Variants in ABCB6 observed in about 807,000 individuals in gnomAD.
The protein encoded by ABCB6 is ATP-binding cassette sub-family B member 6.
In ABCB6, 87 loss-of-function variants were observed where a neutral mutation model predicts 99.4. That is an observed-to-expected ratio of 0.88 (90% confidence interval 0.74 to 1.05). The LOEUF (loss-of-function observed/expected upper bound fraction) is 1.05, where lower values mean the gene tolerates loss of function less well. ABCB6 is among the 50% of genes least tolerant of loss of function. The pLI, the probability that ABCB6 is intolerant of heterozygous loss-of-function variation, is 0.00. For synonymous variants in ABCB6, 482 were observed against 447.5 expected (o/e 1.08, Z -0.97); for missense variants, 1,050 against 1,097.9 (o/e 0.96, Z 0.62).
Position 219,213,839 on chromosome 2 carries a change from T to C in ABCB6, c.1565A>G (p.Glu522Gly). 4 of 1,613,878 alleles carry C rather than the reference T, an allele frequency of 2.5e-6. No homozygotes were observed. The highest frequency in any genetic ancestry group is 2.5e-6 in the Non-Finnish European group (3 of 1,179,976). The change falls in exon 9 of 19, where the codon GAG becomes GGG. Residue 522 changes from glutamate (E) to glycine (G), a missense_variant. Transcript: ENST00000265316. ...ATCCTGCCTCACCTGTAGCTTCTGC[T>C]CAGTGACAAAGTATGCGCAAAGCAG... ...GSLLCAYFVT[E>G]QKLQVGDYVL...
rs1553561306 is a variant in ABCB6, at chr2:219,218,156, C to A, written c.518G>T (p.Trp173Leu). Reference protein sequence around the residue: ...LALVSWNSPQWWWARADLGQQ... With the variant: ...LALVSWNSPQLWWARADLGQQ... Reference sequence around the variant, plus strand: ...GCCCAAGTCTGCCCTTGCCCACCACCACTGTGGGCTGTTCCAAGACACCAG... The same window carrying A: ...GCCCAAGTCTGCCCTTGCCCACCACAACTGTGGGCTGTTCCAAGACACCAG... Residue 173 changes from tryptophan to leucine, a missense_variant, in exon 1 of 19, where the codon TGG becomes TTG. Transcript: ENST00000265316. The A allele has an allele frequency of 6.2e-7, 1 of 1,611,920 alleles. No homozygotes were observed. Among genetic ancestry groups the A allele is most frequent in the South Asian group, 1.1e-5 (1 of 90,858 alleles).
At position 219,215,928 on chromosome 2, in the gene ABCB6, C is replaced by T. The variant is rs948477410; in HGVS notation, c.1154+69G>A. The T allele has an allele frequency of 9.0e-6, 13 of 1,439,312 alleles. No homozygotes were observed. The Admixed American group carries it at 2.1e-4, about 23-fold the overall frequency. 89.2% of individuals were successfully genotyped at this position (1,439,312 alleles called of 1,614,324 possible). The stretch of plus-strand genomic sequence containing the variant: ...TTCTCAGGCGGGGTCTGTTCTCTTC[C>T]TCCCACGGGCCCCTATCCCTGCTTC... On this transcript the variant is annotated intron_variant, in intron 5 of 18. Coordinates refer to ENST00000265316, the MANE Select transcript of ABCB6 (RefSeq NM_005689.4).
In ABCB6 at chr2:219,215,995, A is replaced by G. The variant is rs753614727; in HGVS notation, c.1154+2T>C. On this transcript the variant is annotated splice_donor_variant, in intron 5 of 18. Transcript: ENST00000265316. LOFTEE classifies it high-confidence loss of function. ...CACATGCCCTTTCCACTGGGGCGGC[A>G]CCTGAGCAGCCCTGTGACACTGGAT... The G allele has an allele frequency of 1.1e-5, 17 of 1,560,522 alleles. No individual in the cohort carries two copies. The South Asian group carries it at 2.0e-4, about 18-fold the overall frequency.
intron 6 of ABCB6, 85 bp downstream of exon 6, chr2:219,214,876 G>A: frequency 4.5e-6 from 7 of 1,540,876 alleles, no homozygotes; most frequent in African/African-American, 1.4e-5. Flanking sequence ...CCTCCCATAG[G>A]TGGGTCACTT....
Position 219,213,862 on chromosome 2 carries a change from CA to C in ABCB6, c.1541del (p.Leu514ArgfsTer40). 1 of 1,614,172 alleles carries C rather than the reference CA, an allele frequency of 6.2e-7. No individual in the cohort carries two copies. Among genetic ancestry groups the C allele is most frequent in the Non-Finnish European group, 8.5e-7 (1 of 1,180,042 alleles). On this transcript the variant is annotated frameshift_variant, in exon 9 of 19. Transcript: ENST00000265316. LOFTEE classifies it high-confidence loss of function. ...GCTCAGTGACAAAGTATGCGCAAAG[CA>C]GGGAGCCGGCGAGGAGCCCGAGCCC... ...VIGLGLLAGS[L>X]LCAYFVTEQK...
Position 219,218,539 on chromosome 2 carries a change from C to T in ABCB6, c.135G>A (p.Val45=), listed in dbSNP as rs1950678952. The change falls in exon 1 of 19, where the codon GTG becomes GTA. Residue 45 remains valine, a synonymous_variant. Coordinates refer to ENST00000265316, the MANE Select transcript of ABCB6 (RefSeq NM_005689.4). ...CCCGGCGTCTGCAGGGAAGAGCCAG[C>T]ACCAAGGCCAGAGTCCCCAGAGCCA... is the stretch of plus-strand genomic sequence containing the variant. ...TRMALGTLAL[V]LALPCRRRER... is the part of the protein sequence containing the mutation. The T allele has an allele frequency of 1.2e-6, 2 of 1,611,634 alleles. No individual in the cohort carries two copies. Among genetic ancestry groups the T allele is most frequent in the Non-Finnish European group, 8.5e-7 (1 of 1,179,382 alleles).
chr2:219,214,743 G>A (rs921754683), intron 6 of ABCB6: 2 of 640,660 alleles, frequency 3.1e-6, no homozygotes, highest in Non-Finnish European at 5.3e-6. Context: ...CCACGGCTCA[G>A]ACTTAACGTG....
Position 219,214,473 on chromosome 2 carries a change from C to T in ABCB6, c.1302G>A (p.Trp434Ter), listed in dbSNP as rs757003616. The T allele has an allele frequency of 6.2e-7, 1 of 1,613,954 alleles. No homozygotes were observed. The highest frequency in any genetic ancestry group is 8.5e-7 in the Non-Finnish European group (1 of 1,179,950). Residue 434 changes from tryptophan to a stop codon, truncating the protein, a stop_gained, in exon 7 of 19, where the codon TGG (tryptophan) becomes TGA (stop). Coordinates refer to ENST00000265316, the MANE Select transcript of ABCB6 (RefSeq NM_005689.4). LOFTEE classifies it high-confidence loss of function. ...YLTLTIVVTEWRTKFRRAMNT... is the reference protein window; with the variant it reads ...YLTLTIVVTE ...TCATAGCACGACGAAACTTGGTTCT[C>T]CACTCAGTGACCACAATGGTCAGGG...
rs768955491 is a variant in ABCB6, at chr2:219,218,703, G to A, written c.-30C>T. ...ATGCGTGGACGCCGGCCGAGGCTGC[G>A]GGCACTGCGGGACCGGAGGCCGGGA... is the stretch of plus-strand genomic sequence containing the variant. On this transcript the variant is annotated 5_prime_UTR_variant, in exon 1 of 19. Coordinates refer to ENST00000265316, the MANE Select transcript of ABCB6 (RefSeq NM_005689.4). 6.6e-7 allele frequency: 1 copy of A among 1,520,122 alleles called. No homozygotes were observed. The allele number at this position is 1,520,122 out of a possible 1,614,324, so 94.2% of individuals were successfully genotyped here. A position where few individuals can be genotyped will look rare whatever the true frequency, so the allele number is the denominator to read the frequency against.
Position 219,218,472 on chromosome 2 carries a change from G to C in ABCB6, c.202C>G (p.Pro68Ala), listed in dbSNP as rs777887514. Residue 68 changes from proline to alanine, a missense_variant, in exon 1 of 19, where the codon CCT becomes GCT. Physicochemically the swap from Pro to Ala is conservative, Grantham distance 27. Coordinates refer to ENST00000265316, the MANE Select transcript of ABCB6 (RefSeq NM_005689.4). The part of the protein sequence containing the change: ...GADSLSWGAG[P>A]RISPYVLQLL... The stretch of plus-strand genomic sequence containing the variant: ...TGCAGCACGTAGGGAGAGATGCGAG[G>C]GCCGGCCCCCCAAGACAGCGAATCA... 3.8e-5 allele frequency: 61 copies of C among 1,607,776 alleles called. No homozygotes were observed. The highest frequency in any genetic ancestry group is 4.9e-5 in the Non-Finnish European group (58 of 1,177,686).
At position 219,217,718 on chromosome 2, in the gene ABCB6, G is replaced by A. The variant is rs1359931162; in HGVS notation, c.639C>T (p.Ser213=). ...CCTCTTCATGAACCTGCAATGTATA[G>A]GACTGGGGACGAAGTCCAGGGGCCC... is the stretch of plus-strand genomic sequence containing the variant. The part of the protein sequence containing the change: ...GLWAPGLRPQ[S]YTLQVHEEDQ... The change falls in exon 2 of 19, where the codon TCC becomes TCT. Residue 213 remains serine, a synonymous_variant. Coordinates refer to ENST00000265316, the MANE Select transcript of ABCB6 (RefSeq NM_005689.4). The A allele has an allele frequency of 1.2e-6, 2 of 1,613,838 alleles. No individual in the cohort carries two copies. Among genetic ancestry groups the A allele is most frequent in the African/African-American group, 1.3e-5 (1 of 74,874 alleles).
intron 6 of ABCB6, 53 bp from the exon 7 acceptor site, chr2:219,214,551 G>A (rs1303597975): frequency 1.0e-5 from 14 of 1,345,388 alleles, no homozygotes; most frequent in Non-Finnish European, 1.5e-5. Context: ...CAAAAGCAGA[G>A]ACCAAATGTC....
In ABCB6 at chr2:219,218,503, A is replaced by C; in HGVS notation, c.171T>G (p.Ala57=). 1 of 1,609,376 alleles carries C rather than the reference A, an allele frequency of 6.2e-7. No individual in the cohort carries two copies. Among genetic ancestry groups the C allele is most frequent in the Non-Finnish European group, 8.5e-7 (1 of 1,178,444 alleles). The change falls in exon 1 of 19, where the codon GCT becomes GCG. Residue 57 remains alanine (A), a synonymous_variant. Transcript: ENST00000265316. ...ALPCRRRERP[A]GADSLSWGAG... ...CCCCCCAAGACAGCGAATCAGCACCAGCGGGCCGCTCCCGGCGTCTGCAGG... is the reference window on the plus strand; with the variant it reads ...CCCCCCAAGACAGCGAATCAGCACCCGCGGGCCGCTCCCGGCGTCTGCAGG...
chr2:219,213,146 G>A, intron 12 of ABCB6, 81 bp from the exon 13 acceptor site: 2 of 1,603,124 alleles, frequency 1.2e-6, no homozygotes, highest in African/African-American at 1.3e-5. Flanking sequence ...CCCTGCCCAG[G>A]CTCTTTTCCA....
chr2:219,210,954 G>T lies in ABCB6; in HGVS notation c.2123C>A (p.Ala708Asp). Reference sequence around the variant, plus strand: ...CTCACCTTCAGGGAAAGCCATAATGGCATCATGGATGCCTGCAGCCTGAGC... The same window carrying T: ...CTCACCTTCAGGGAAAGCCATAATGTCATCATGGATGCCTGCAGCCTGAGC... The part of the protein sequence containing the change: ...AAAQAAGIHD[A>D]IMAFPEGYRT... Residue 708 changes from alanine to aspartate, a missense_variant, in exon 15 of 19, where the codon GCC (alanine) becomes GAC (aspartate). Ala to Asp is a moderately radical substitution (Grantham distance 126). Transcript: ENST00000265316. The T allele has an allele frequency of 1.2e-6, 2 of 1,614,154 alleles. No individual in the cohort carries two copies. Among genetic ancestry groups the T allele is most frequent in the Non-Finnish European group, 1.7e-6 (2 of 1,180,026 alleles).
Position 219,215,078 on chromosome 2 carries a change from G to T in ABCB6, c.1159C>A (p.Leu387Met). The change falls in exon 6 of 19, where the codon CTG (leucine) becomes ATG (methionine). Residue 387 changes from leucine to methionine, a missense_variant. Leu to Met is a conservative substitution (Grantham distance 15). Transcript: ENST00000265316. ...TSSVTGLLSY[L>M]VFNVIPTLAD... The stretch of plus-strand genomic sequence containing the variant: ...AGCGTGGGGATGACATTGAACACCA[G>T]GTAGCTAGGAGGGCAGGTCAAGTGA... 6.2e-7 allele frequency: 1 copy of T among 1,614,114 alleles called. No individual in the cohort carries two copies. The highest frequency in any genetic ancestry group is 8.5e-7 in the Non-Finnish European group (1 of 1,180,016).
rs777270402 is a variant in ABCB6, at chr2:219,214,171, C to A, written c.1402G>T (p.Ala468Ser). 5.5e-5 allele frequency: 89 copies of A among 1,614,180 alleles called. 1 individual carries two copies. In the Middle Eastern group the frequency reaches 5.6e-3, roughly 102 times the overall value. ...TAGCGTTCCACTTCGTAACTCTCGGCGTTGTAATACTTCACCTGATGAATT... is the reference window on the plus strand; with the variant it reads ...TAGCGTTCCACTTCGTAACTCTCGGAGTTGTAATACTTCACCTGATGAATT... ...LNFETVKYYN[A>S]ESYEVERYRE... Residue 468 changes from alanine (A) to serine (S), a missense_variant, in exon 8 of 19, where the codon GCC (alanine) becomes TCC (serine). Coordinates refer to ENST00000265316, the MANE Select transcript of ABCB6 (RefSeq NM_005689.4).
Position 219,210,029 on chromosome 2 carries a change from G to T in ABCB6, c.2438C>A (p.Ser813Tyr). Residue 813 changes from serine to tyrosine, a missense_variant, in exon 19 of 19, where the codon TCC becomes TAC. Transcript: ENST00000265316. ...CATGTCAGCATACACCCCACCTCGG[G>T]ACAACAGAGCCTCGTGTCTGGGGTG... ...VERGRHEALL[S>Y]RGGVYADMWQ... The T allele has an allele frequency of 1.2e-6, 2 of 1,614,048 alleles. No homozygotes were observed. Among genetic ancestry groups the T allele is most frequent in the South Asian group, 2.2e-5 (2 of 91,074 alleles).
intron 14 of ABCB6, among the ~76,000 whole-genome samples, chr2:219,211,635 T>G (rs1413416247): frequency 1.3e-5 from 2 of 150,350 alleles, no homozygotes; most frequent in African/African-American, 2.5e-5. Flanking sequence ...TTTTTTTTTT[T>G]TTTTTTGTTT....
Sources: gnomAD v4.1 joint callset for allele counts (sites outside exome capture counted in the v4.1 genomes callset) on GRCh38, gnomAD v4.1.1 for gene constraint, MANE v1.5 for transcripts, NCBI Gene and HGNC (gene_info 2026-07-23, HGNC 2026-07-21) for gene names.